Variants in SORCS3 observed in about 807,000 individuals in gnomAD.
SORCS3 encodes sortilin related VPS10 domain containing receptor 3, also known as VPS10 domain-containing receptor SorCS3.
A neutral mutation model predicts 146.3 loss-of-function variants in SORCS3; 57 were observed. That is an observed-to-expected ratio of 0.39 (90% CI 0.31 to 0.49). The LOEUF (loss-of-function observed/expected upper bound fraction) is 0.49, where lower values mean the gene tolerates loss of function less well. Among genes scored for constraint, SORCS3 ranks in the 20% least tolerant of loss-of-function variants. The pLI is 0.92. For synonymous variants in SORCS3, 653 were observed against 618.5 expected, an observed-to-expected ratio of 1.06 and a Z score of -0.83; for missense variants, 1,341 against 1,575.5, an observed-to-expected ratio of 0.85 and a Z score of 2.52.
chr10:105,184,608 A>G lies in SORCS3; in HGVS notation c.2009+6435A>G, dbSNP rs1424786821. Among the ~76,000 whole-genome samples the G allele has an allele frequency of 2.0e-5, 3 of 152,214 alleles. No individual in the cohort carries two copies. The East Asian group carries it at 5.8e-4, about 29-fold the overall frequency. On this transcript the variant is annotated intron_variant, in intron 14 of 26. Transcript: ENST00000369701. ...ATGAAATATTGAAAATATACTTTTT[A>G]TGAAATGGCTTAGAAGTTTCCTTAT...
At chr10:104,872,913 G>A (rs1050064528) in intron 2 of SORCS3, among the ~76,000 whole-genome samples, 2 of 152,212 alleles carry the variant, frequency 1.3e-5, no homozygotes, top group East Asian at 1.9e-4. Context: ...TTTGCCATGC[G>A]TGAAAGCTTA....
chr10:105,225,226 A>G (rs1419057259), intron 20 of SORCS3, among the ~76,000 whole-genome samples: 1 of 152,022 alleles, frequency 6.6e-6, no homozygotes, highest in Non-Finnish European at 1.5e-5. Context: ...TTTTACATTT[A>G]GATCTATGAT....
chr10:104,733,194 G>A (rs1213632336), intron 1 of SORCS3, among the ~76,000 whole-genome samples: 2 of 151,996 alleles, frequency 1.3e-5, no homozygotes, highest in Admixed American at 1.3e-4. Flanking sequence ...TGAGAAGTGG[G>A]GAAGGCATGT....
chr10:104,967,068 A>G (rs2054829991), intron 3 of SORCS3, among the ~76,000 whole-genome samples: 1 of 151,976 alleles, frequency 6.6e-6, no homozygotes, highest in Admixed American at 6.6e-5. Context: ...TGGCTAAATC[A>G]CAGGAACTTG....
chr10:104,960,677 G>C (rs2054790678), intron 3 of SORCS3, among the ~76,000 whole-genome samples: 1 of 152,036 alleles, frequency 6.6e-6, no homozygotes, highest in Non-Finnish European at 1.5e-5. Flanking sequence ...CCTCTTAAAG[G>C]CTCCACGTCT....
At chr10:105,014,861 C>A (rs1324698710) in intron 4 of SORCS3, among the ~76,000 whole-genome samples, 2 of 152,132 alleles carry the variant, frequency 1.3e-5, no homozygotes, top group Non-Finnish European at 2.9e-5. Context: ...ATCTATGAAC[C>A]ATCAAATGGG....
chr10:105,024,270 T>C (rs920985950), intron 4 of SORCS3, among the ~76,000 whole-genome samples: 6 of 152,142 alleles, frequency 3.9e-5, no homozygotes, highest in African/African-American at 1.4e-4. Flanking sequence ...GTGAGTGTCC[T>C]TACTGGTTTT....
In SORCS3 at chr10:105,252,780, C is replaced by T. The variant is rs2056908664; in HGVS notation, c.3111C>T (p.Thr1037=). ...NVIKRALVKV[T]SVPEDQILIA... is the part of the protein sequence containing the mutation. ...TTGTCTGAACATCTTTGCAGGTAAC[C>T]AGTGTCCCAGAGGACCAGATCCTCA... is the stretch of plus-strand genomic sequence containing the variant. The change falls in exon 23 of 27, where the codon ACC becomes ACT. Residue 1037 remains threonine (T), a synonymous_variant. Transcript: ENST00000369701. 6.2e-7 allele frequency: 1 copy of T among 1,613,914 alleles called. No homozygotes were observed.
intron 3 of SORCS3, among the ~76,000 whole-genome samples, chr10:104,916,832 A>C (rs1218923904): frequency 3.3e-5 from 5 of 152,150 alleles, no homozygotes; most frequent in Admixed American, 3.3e-4. Context: ...TGGTTTTGCC[A>C]GTGCTTTCTT....
At chr10:105,068,632 G>A (rs939888948) in intron 5 of SORCS3, among the ~76,000 whole-genome samples, 5 of 152,228 alleles carry the variant, frequency 3.3e-5, no homozygotes, top group Admixed American at 6.5e-5. Context: ...AAATTAAAGC[G>A]TAATGACACA....
chr10:105,126,027 T>A (rs1400130349), intron 7 of SORCS3, among the ~76,000 whole-genome samples: 1 of 152,150 alleles, frequency 6.6e-6, no homozygotes, highest in Admixed American at 6.6e-5. Context: ...AAAAGATGCA[T>A]AAAAATAAAA....
At chr10:105,257,685 G>A (rs2056939417) in intron 25 of SORCS3, among the ~76,000 whole-genome samples, 1 of 152,104 alleles carries the variant, frequency 6.6e-6, no homozygotes, top group Non-Finnish European at 1.5e-5. Flanking sequence ...GCCTCTCTAA[G>A]TCTTAATTTC....
At chr10:104,662,517 G>C (rs1234450477) in intron 1 of SORCS3, among the ~76,000 whole-genome samples, 4 of 152,182 alleles carry the variant, frequency 2.6e-5, no homozygotes, top group Non-Finnish European at 5.9e-5. Context: ...TGACTTGAGA[G>C]CTCCTTACTT....
At chr10:104,662,621 A>G (rs2015716646) in intron 1 of SORCS3, among the ~76,000 whole-genome samples, 1 of 152,238 alleles carries the variant, frequency 6.6e-6, no homozygotes, top group African/African-American at 2.4e-5. Context: ...ATGAGGGCTA[A>G]GATGGGTTTT....
chr10:104,962,680 T>C (rs1467855693), intron 3 of SORCS3, among the ~76,000 whole-genome samples: 1 of 152,222 alleles, frequency 6.6e-6, no homozygotes, highest in Non-Finnish European at 1.5e-5. Flanking sequence ...TAGCATGTTT[T>C]ATCAAGAAGG....
chr10:104,897,769 G>A (rs1300464635), intron 2 of SORCS3, among the ~76,000 whole-genome samples: 4 of 152,184 alleles, frequency 2.6e-5, no homozygotes, highest in Non-Finnish European at 5.9e-5. Flanking sequence ...CAGTTGTTGG[G>A]TGGTCCTGGG....
chr10:105,248,985 G>T (rs1053918069), intron 22 of SORCS3, among the ~76,000 whole-genome samples: 1 of 152,164 alleles, frequency 6.6e-6, no homozygotes. Flanking sequence ...CATAGTTGGG[G>T]AGACATTTCA....
chr10:104,712,116 T>G (rs2133439305), intron 1 of SORCS3, among the ~76,000 whole-genome samples: 1 of 152,268 alleles, frequency 6.6e-6, no homozygotes, highest in Non-Finnish European at 1.5e-5. Flanking sequence ...CAACAAATAA[T>G]TTGGCTCATT....
chr10:105,154,351 C>T (rs1202440581), intron 9 of SORCS3, among the ~76,000 whole-genome samples: 4 of 152,208 alleles, frequency 2.6e-5, no homozygotes, highest in Non-Finnish European at 1.5e-5. Context: ...CAGCAGAGCC[C>T]TGGCTTCTTT....
Sources: allele counts gnomAD v4.1 joint callset (sites outside exome capture counted in the v4.1 genomes callset), GRCh38; gene constraint gnomAD v4.1.1; transcripts MANE v1.5; gene names NCBI Gene and HGNC (gene_info 2026-07-23, HGNC 2026-07-21).